The following HIP1 variants were observed in gnomAD, a reference collection of about 807,000 sequenced individuals.
HIP1 encodes the protein huntingtin interacting protein 1, also known as huntingtin-interacting protein 1.
HIP1 carries 65 observed loss-of-function variants against 147.6 expected under a neutral mutation model. That is an observed-to-expected ratio of 0.44 (90% CI 0.36 to 0.54). HIP1 has a LOEUF of 0.54. Among genes scored for constraint, HIP1 ranks in the 20% least tolerant of loss-of-function variants. The pLI, the probability that HIP1 is intolerant of heterozygous loss-of-function variation, is 0.00. For missense variants in HIP1, 1,061 were observed against 1,299.6 expected (o/e 0.82, Z 2.82); for synonymous variants, 479 against 504.0 (o/e 0.95, Z 0.67).
At chr7:75,652,733 A>G (rs2117191928) in intron 1 of HIP1, among the ~76,000 whole-genome samples, 1 of 152,262 alleles carries the variant, frequency 6.6e-6, no homozygotes, top group Admixed American at 6.5e-5. Context: ...GTATGGATAG[A>G]ATGTGAAGAT....
At chr7:75,736,378 T>C (rs1198752094) in intron 1 of HIP1, among the ~76,000 whole-genome samples, 1 of 151,804 alleles carries the variant, frequency 6.6e-6, no homozygotes, top group Non-Finnish European at 1.5e-5. Context: ...AAGGAACGGG[T>C]TGTTAAAAAA....
intron 1 of HIP1, among the ~76,000 whole-genome samples, chr7:75,633,857 C>T (rs1554509284): frequency 6.6e-6 from 1 of 152,136 alleles, no homozygotes; most frequent in Non-Finnish European, 1.5e-5. Flanking sequence ...ATCTGAAATA[C>T]CTTCTTTCCA....
At chr7:75,549,069 A>T in intron 22 of HIP1, 68 bp from the exon 23 acceptor site, 2 of 1,163,096 alleles carry the variant, frequency 1.7e-6, no homozygotes, top group Admixed American at 3.5e-5. Context: ...GCCATCTGTA[A>T]CCCTTACAAG....
intron 25 of HIP1, among the ~76,000 whole-genome samples, chr7:75,546,422 G>A (rs587766394): frequency 1.3e-5 from 2 of 152,106 alleles, no homozygotes; most frequent in Non-Finnish European, 2.9e-5. Flanking sequence ...CTGGACTTAC[G>A]CCTCCCGAGC....
intron 1 of HIP1, among the ~76,000 whole-genome samples, chr7:75,607,072 A>T (rs1037653396): frequency 6.6e-6 from 1 of 151,730 alleles, no homozygotes; most frequent in Non-Finnish European, 1.5e-5. Flanking sequence ...TCTAAAAAAA[A>T]ATTTTTTTTT....
At position 75,568,881 on chromosome 7, in the gene HIP1, C is replaced by T. The variant is rs587757811; in HGVS notation, c.746-625G>A. Reference sequence around the variant, plus strand: ...GAAATTAGCCGGGCGCGGTGGCATGCGCCTGTAATCCCAGCTACTTGGGAG... The same window carrying T: ...GAAATTAGCCGGGCGCGGTGGCATGTGCCTGTAATCCCAGCTACTTGGGAG... On this transcript the variant is annotated intron_variant, in intron 8 of 30. Coordinates refer to ENST00000336926, the MANE Select transcript of HIP1 (RefSeq NM_005338.7). The surrounding 1 kb of genome is among the most constrained non-coding windows in gnomAD (Gnocchi z 4.1). 9.2e-5 allele frequency among the ~76,000 whole-genome samples: 14 copies of T among 152,296 alleles called. No individual in the cohort carries two copies. The highest frequency in any genetic ancestry group is 1.9e-4 in the Non-Finnish European group (13 of 68,024).
chr7:75,596,837 C>A (rs587645349), intron 2 of HIP1, among the ~76,000 whole-genome samples: 24 of 152,336 alleles, frequency 1.6e-4, no homozygotes, highest in African/African-American at 5.8e-4. Context: ...AGGGAGCCTC[C>A]CGGCAGCATG....
intron 1 of HIP1, among the ~76,000 whole-genome samples, chr7:75,691,684 A>T (rs1554518172): frequency 6.6e-6 from 1 of 152,018 alleles, no homozygotes; most frequent in Admixed American, 6.6e-5. Flanking sequence ...GCTACTCAGG[A>T]GGCTGAGGCA....
At chr7:75,557,425 C>G (rs1795056906) in intron 16 of HIP1, among the ~76,000 whole-genome samples, 1 of 152,186 alleles carries the variant, frequency 6.6e-6, no homozygotes, top group East Asian at 1.9e-4. Context: ...CCAGCCTCAT[C>G]CTTGGAAAGC....
chr7:75,731,499 A>T (rs1042210796), intron 1 of HIP1, among the ~76,000 whole-genome samples: 1 of 146,866 alleles, frequency 6.8e-6, no homozygotes, highest in Non-Finnish European at 1.5e-5. Context: ...AAAAAAAAAA[A>T]CGCCAGCTCT....
chr7:75,544,924 T>C, intron 26 of HIP1, 124 bp from the exon 27 acceptor site: 1 of 757,568 alleles, frequency 1.3e-6, no homozygotes, highest in South Asian at 1.7e-5. Flanking sequence ...CTGCCCTGTG[T>C]CCCCTGGGAG....
At chr7:75,615,010 T>C (rs1554505707) in intron 1 of HIP1, among the ~76,000 whole-genome samples, 1 of 151,908 alleles carries the variant, frequency 6.6e-6, no homozygotes, top group East Asian at 2.0e-4. Flanking sequence ...TGACCTCAAG[T>C]GATCCACCTG....
chr7:75,630,483 G>A (rs975978607), intron 1 of HIP1, among the ~76,000 whole-genome samples: 1 of 148,962 alleles, frequency 6.7e-6, no homozygotes, highest in Non-Finnish European at 1.5e-5. Flanking sequence ...AAAAAGATTT[G>A]TGTTCTGTAT....
At chr7:75,539,576 TCCCA>T in intron 29 of HIP1, 145 bp from the exon 30 acceptor site, 3 of 616,546 alleles carry the variant, frequency 4.9e-6, no homozygotes, top group Non-Finnish European at 8.4e-6. Flanking sequence ...TGTCTTGGCC[TCCCA>T]AAGTGCTGAG....
At chr7:75,628,921 C>T (rs1252990408) in intron 1 of HIP1, among the ~76,000 whole-genome samples, 3 of 152,132 alleles carry the variant, frequency 2.0e-5, no homozygotes, top group South Asian at 2.1e-4. Flanking sequence ...AAGACAATAG[C>T]CAGGACCCTG....
At chr7:75,685,455 C>T (rs1170102669) in intron 1 of HIP1, among the ~76,000 whole-genome samples, 1 of 152,230 alleles carries the variant, frequency 6.6e-6, no homozygotes, top group Non-Finnish European at 1.5e-5. Flanking sequence ...CGTGAAATGC[C>T]TACTGATGTC....
intron 1 of HIP1, among the ~76,000 whole-genome samples, chr7:75,735,416 G>A (rs79103888): frequency 0.095 from 14,469 of 152,186 alleles, 847 homozygotes; most frequent in Middle Eastern, 0.16. Flanking sequence ...ATTTAAAAAG[G>A]TAATACAATG....
At chr7:75,674,467 A>C (rs1468210735) in intron 1 of HIP1, among the ~76,000 whole-genome samples, 1 of 150,824 alleles carries the variant, frequency 6.6e-6, no homozygotes, top group Non-Finnish European at 1.5e-5. Flanking sequence ...TGAATATATC[A>C]TCTCACTGGC....
chr7:75,595,187 C>CCTTT (rs587760351), intron 2 of HIP1, among the ~76,000 whole-genome samples: 1,520 of 108,456 alleles, frequency 0.014, 103 homozygotes, highest in Middle Eastern at 0.023. Flanking sequence ...GTGTAGGAGT[C>CCTTT]CTTTCTTTCT....
Sources: gnomAD v4.1 joint callset for allele counts (sites outside exome capture counted in the v4.1 genomes callset) on GRCh38, gnomAD v4.1.1 for gene constraint, Gnocchi (gnomAD v3.1) non-coding constraint, MANE v1.5 for transcripts, NCBI Gene and HGNC (gene_info 2026-07-23, HGNC 2026-07-21) for gene names.